Variants in ARID1B observed in about 807,000 individuals in gnomAD.
ARID1B encodes the protein AT-rich interactive domain-containing protein 1B.
ARID1B carries 30 observed loss-of-function variants against 212.3 expected under a neutral mutation model. That is an observed-to-expected ratio of 0.14 (90% CI 0.11 to 0.19). ARID1B has a LOEUF of 0.19. ARID1B is among the 10% of genes least tolerant of loss of function. The pLI is 1.00. For synonymous variants in ARID1B, 1,402 were observed against 1,301.7 expected, an observed-to-expected ratio of 1.08 and a Z score of -1.66; for missense variants, 2,891 against 3,204.0, an observed-to-expected ratio of 0.90 and a Z score of 2.36.
At chr6:156,994,837 T>G (rs1053167889) in intron 4 of ARID1B, among the ~76,000 whole-genome samples, 2 of 152,210 alleles carry the variant, frequency 1.3e-5, no homozygotes, top group Non-Finnish European at 2.9e-5. Context: ...CAGGAGTGCC[T>G]GGAGAGGTTC....
upstream of ARID1B, chr6:156,776,954 T>C (rs1031489845): frequency 7.2e-5 from 11 of 152,246 alleles, no homozygotes; most frequent in Admixed American, 1.3e-4. Flanking sequence ...GAGACCGTGC[T>C]TTTGCAGATT....
Position 157,082,590 on chromosome 6 carries a change from A to AGTGCAGT in ARID1B, c.2248-2070_2248-2064dup, listed in dbSNP as rs370463234. On this transcript the variant is annotated intron_variant, in intron 4 of 19. Coordinates refer to ENST00000636930, the MANE Select transcript of ARID1B (RefSeq NM_001374828.1). ...CATCTCACCGTGTCACCTAGGCTGG[A>AGTGCAGT]GTGCAGTGGCTGCTCACAGGTACAC... Among the ~76,000 whole-genome samples the AGTGCAGT allele has an allele frequency of 4.1e-3, 618 of 152,262 alleles. 6 individuals carry two copies. The highest frequency in any genetic ancestry group is 0.013 in the African/African-American group (558 of 41,556).
chr6:156,825,872 T>C (rs1050401287), intron 1 of ARID1B, among the ~76,000 whole-genome samples: 3 of 152,226 alleles, frequency 2.0e-5, no homozygotes, highest in Admixed American at 6.5e-5. Flanking sequence ...TTCAAGAAAA[T>C]CTAGAAAATA....
chr6:157,166,323 C>CT (rs1791323130), intron 8 of ARID1B: 1 of 152,218 alleles, frequency 6.6e-6, no homozygotes, highest in South Asian at 2.1e-4. Flanking sequence ...ACTAACAAGA[C>CT]TAAGTCACCA....
chr6:157,084,564 C>A (rs1011203905), intron 4 of ARID1B, 98 bp from the exon 5 acceptor site: 2 of 1,451,962 alleles, frequency 1.4e-6, no homozygotes, highest in Non-Finnish European at 1.8e-6. Flanking sequence ...AGAAAACCTT[C>A]ATCTCTGAAG....
intron 4 of ARID1B, 49 bp from the exon 5 acceptor site, chr6:157,084,613 A>T (rs1288830048): frequency 3.8e-6 from 6 of 1,582,588 alleles, no homozygotes; most frequent in Non-Finnish European, 5.2e-6. Flanking sequence ...TTTTGATGAG[A>T]TATTCATCCA....
chr6:157,173,000 T>TC (rs1791827379), intron 9 of ARID1B: 1 of 152,146 alleles, frequency 6.6e-6, no homozygotes, highest in African/African-American at 2.4e-5. Context: ...TTCCCTCTCT[T>TC]CCTCACTCTG....
At chr6:156,794,947 G>C (rs1398370253) in intron 1 of ARID1B, among the ~76,000 whole-genome samples, 1 of 152,170 alleles carries the variant, frequency 6.6e-6, no homozygotes, top group African/African-American at 2.4e-5. Context: ...AGACATAGAA[G>C]AGGCAAGAAT....
intron 1 of ARID1B, among the ~76,000 whole-genome samples, chr6:156,823,619 A>T (rs947226315): frequency 2.6e-5 from 4 of 151,842 alleles, no homozygotes; most frequent in Non-Finnish European, 5.9e-5. Context: ...GCTCTTGTTT[A>T]ATCCACATGT....
At chr6:156,833,875 A>G (rs1040466477) in intron 2 of ARID1B, among the ~76,000 whole-genome samples, 11 of 152,284 alleles carry the variant, frequency 7.2e-5, no homozygotes, top group African/African-American at 2.6e-4. Context: ...TTTATTTGGT[A>G]CCCTCTTAAC....
At chr6:156,820,941 C>T (rs539713373) in intron 1 of ARID1B, among the ~76,000 whole-genome samples, 2 of 152,260 alleles carry the variant, frequency 1.3e-5, no homozygotes, top group South Asian at 2.1e-4. Context: ...GATTTAAATA[C>T]CAGTCTTTAT....
chr6:156,890,865 C>T lies in ARID1B; in HGVS notation c.1987-10511C>T, dbSNP rs192651454. Among the ~76,000 whole-genome samples the T allele has an allele frequency of 9.2e-5, 14 of 152,256 alleles. No individual in the cohort carries two copies. The East Asian group carries it at 2.7e-3, about 29-fold the overall frequency. The stretch of plus-strand genomic sequence containing the variant: ...TTTTTCAAGGGTGAAAGGTGAATTT[C>T]AGGAAATTGTGGAGTTTTTGTTGTT... On this transcript the variant is annotated intron_variant, in intron 2 of 19. Coordinates refer to ENST00000636930, the MANE Select transcript of ARID1B (RefSeq NM_001374828.1).
intron 1 of ARID1B, among the ~76,000 whole-genome samples, chr6:156,808,140 G>A (rs184152348): frequency 2.1e-4 from 32 of 152,322 alleles, no homozygotes; most frequent in Admixed American, 1.1e-3. Context: ...ATTGGATTTA[G>A]TAATTGAAAT....
intron 7 of ARID1B, among the ~76,000 whole-genome samples, chr6:157,144,343 G>A (rs1789574308): frequency 6.6e-6 from 1 of 152,126 alleles, no homozygotes; most frequent in Admixed American, 6.5e-5. Flanking sequence ...AGACTAAAAC[G>A]TTATTTCATT....
At chr6:156,996,002 C>G (rs1241896654) in intron 4 of ARID1B, among the ~76,000 whole-genome samples, 1 of 152,192 alleles carries the variant, frequency 6.6e-6, no homozygotes, top group Non-Finnish European at 1.5e-5. Context: ...GGACCCCACA[C>G]AAAATTGGAA....
At chr6:157,179,158 T>C (rs1792327229) in intron 11 of ARID1B, among the ~76,000 whole-genome samples, 1 of 152,180 alleles carries the variant, frequency 6.6e-6, no homozygotes, top group Admixed American at 6.5e-5. Flanking sequence ...GGACCCATTT[T>C]TTTAAGTGTA....
intron 4 of ARID1B, among the ~76,000 whole-genome samples, chr6:156,976,621 C>T (rs554841817): frequency 2.9e-4 from 44 of 152,294 alleles, no homozygotes; most frequent in Admixed American, 1.4e-3. Flanking sequence ...GAGCCAGCAA[C>T]GGCAACCCTT....
At chr6:156,938,784 T>C (rs532020919) in intron 4 of ARID1B, 5 of 152,352 alleles carry the variant, frequency 3.3e-5, no homozygotes, top group African/African-American at 1.2e-4. Context: ...TTATGCTACA[T>C]CTATACTTTG....
intron 4 of ARID1B, among the ~76,000 whole-genome samples, chr6:157,005,819 A>T (rs183185331): frequency 1.6e-4 from 25 of 152,104 alleles, no homozygotes; most frequent in African/African-American, 5.3e-4. Context: ...TACCTTTTTC[A>T]CCATATTCTG....
Sources: gnomAD v4.1 joint callset for allele counts (sites outside exome capture counted in the v4.1 genomes callset) on GRCh38, gnomAD v4.1.1 for gene constraint, MANE v1.5 for transcripts, NCBI Gene and HGNC (gene_info 2026-07-23, HGNC 2026-07-21) for gene names.